COL4A6: variants seen among roughly 807,000 people sequenced by gnomAD.
COL4A6 encodes collagen type IV alpha 6 chain.
COL4A6 carries 59 observed loss-of-function variants against 126.7 expected under a neutral mutation model. The observed-to-expected ratio is 0.47, with a 90% CI of 0.38 to 0.58. The LOEUF (loss-of-function observed/expected upper bound fraction) is 0.58, where lower values mean the gene tolerates loss of function less well. COL4A6 is among the 20% of genes least tolerant of loss of function. The pLI is 0.00. For synonymous variants in COL4A6, 547 were observed against 496.6 expected (o/e 1.10, Z -1.35); for missense variants, 1,285 against 1,337.3 (o/e 0.96, Z 0.61).
At chrX:108,335,392 T>C (rs2039406327) in intron 2 of COL4A6, among the ~76,000 whole-genome samples, 1 of 112,171 alleles carries the variant, frequency 8.9e-6, no homozygotes, top group African/African-American at 3.2e-5. Context: ...TTCCCAATAT[T>C]ACACAGCTAA....
At chrX:108,229,986 C>G in intron 3 of COL4A6, among the ~76,000 whole-genome samples, 1 of 112,316 alleles carries the variant, frequency 8.9e-6, no homozygotes, top group Non-Finnish European at 1.9e-5. Context: ...ATGAGCAAAA[C>G]AGAGGAAAGT....
intron 3 of COL4A6, among the ~76,000 whole-genome samples, chrX:108,278,219 A>C (rs1203811208): frequency 1.8e-5 from 2 of 111,832 alleles, no homozygotes; most frequent in Non-Finnish European, 3.8e-5. Flanking sequence ...ATTCAAACCA[A>C]AGGCAAAGAA....
intron 3 of COL4A6, among the ~76,000 whole-genome samples, chrX:108,227,728 G>A (rs973360931): frequency 1.8e-5 from 2 of 111,721 alleles, no homozygotes; most frequent in Non-Finnish European, 3.8e-5. Context: ...AGAATAGATG[G>A]TAAATGTTTC....
chrX:108,272,690 C>CT (rs1245112332), intron 3 of COL4A6, among the ~76,000 whole-genome samples: 38 of 104,092 alleles, frequency 3.7e-4, no homozygotes, highest in East Asian at 1.8e-3. Context: ...TCCAGAAATG[C>CT]TTTTTTTTTT....
intron 3 of COL4A6, chrX:108,267,565 GAGTA>G (rs2147748093): frequency 8.9e-6 from 1 of 112,559 alleles, no homozygotes; most frequent in South Asian, 3.7e-4. Flanking sequence ...ATAGCCCTTA[GAGTA>G]AGTGATAATT....
At chrX:108,193,811 C>A in intron 16 of COL4A6, 114 bp from the exon 17 acceptor site, 1 of 569,097 alleles carries the variant, frequency 1.8e-6, no homozygotes, top group East Asian at 3.5e-5. Flanking sequence ...TCTATAACCC[C>A]AGATTTTCAA....
At chrX:108,247,864 C>T (rs1039690321) in intron 3 of COL4A6, among the ~76,000 whole-genome samples, 1 of 111,823 alleles carries the variant, frequency 8.9e-6, no homozygotes, top group Non-Finnish European at 1.9e-5. Context: ...CTGTGCCTTT[C>T]TCCACCCAGA....
At chrX:108,276,115 A>G (rs2037594628) in intron 3 of COL4A6, among the ~76,000 whole-genome samples, 1 of 113,078 alleles carries the variant, frequency 8.8e-6, no homozygotes, top group African/African-American at 3.2e-5. Context: ...AAAAACAACC[A>G]TCCCTTATGA....
chrX:108,293,314 T>C (rs919311250), intron 3 of COL4A6, among the ~76,000 whole-genome samples: 1 of 111,680 alleles, frequency 9.0e-6, no homozygotes, highest in East Asian at 2.8e-4. Context: ...AATAAAGAGA[T>C]AATTAATACA....
At chrX:108,189,873 T>G (rs1173704208) in intron 20 of COL4A6, among the ~76,000 whole-genome samples, 2 of 112,292 alleles carry the variant, frequency 1.8e-5, no homozygotes, top group Non-Finnish European at 3.8e-5. Flanking sequence ...TTCCTTCCCC[T>G]GGCCTAAGCC....
chrX:108,229,948 A>G (rs927136068), intron 3 of COL4A6, among the ~76,000 whole-genome samples: 2 of 112,439 alleles, frequency 1.8e-5, no homozygotes, highest in Non-Finnish European at 3.8e-5. Context: ...GCTAAAAACT[A>G]TAAGGATTTA....
At chrX:108,265,406 A>G (rs1245904206) in intron 3 of COL4A6, among the ~76,000 whole-genome samples, 2 of 110,097 alleles carry the variant, frequency 1.8e-5, no homozygotes, top group African/African-American at 6.6e-5. Flanking sequence ...TTTTTTGACA[A>G]ACATGGAACT....
chrX:108,224,221 G>A (rs1025317124), intron 3 of COL4A6, among the ~76,000 whole-genome samples: 2 of 112,156 alleles, frequency 1.8e-5, no homozygotes, highest in African/African-American at 6.5e-5. Context: ...AAAAGACAGG[G>A]TCCCACAGCC....
chrX:108,195,761 T>C (rs1162007083), intron 14 of COL4A6, among the ~76,000 whole-genome samples: 3 of 111,857 alleles, frequency 2.7e-5, no homozygotes, highest in Non-Finnish European at 5.6e-5. Context: ...GGCCTCGTCT[T>C]CCACCTCAAA....
chrX:108,403,381 C>G (rs1020149680), intron 2 of COL4A6, among the ~76,000 whole-genome samples: 2 of 108,997 alleles, frequency 1.8e-5, no homozygotes, highest in African/African-American at 6.7e-5. Context: ...AATAATACCT[C>G]TCCTCAATTC....
At chrX:108,410,763 T>A (rs1478552149) in intron 2 of COL4A6, among the ~76,000 whole-genome samples, 2 of 111,841 alleles carry the variant, frequency 1.8e-5, no homozygotes, top group Non-Finnish European at 3.8e-5. Context: ...GCTTTATCCC[T>A]TCCCCAGCAA....
In COL4A6 at chrX:108,171,375, T is replaced by C. The variant is rs1337709585; in HGVS notation, c.3277+12A>G. 1 of 1,203,269 alleles carries C rather than the reference T, an allele frequency of 8.3e-7. No homozygotes were observed. Among genetic ancestry groups the C allele is most frequent in the Admixed American group, 2.2e-5 (1 of 45,166 alleles). ...CTGTGAGGCAAACAAGACAAAAATA[T>C]AGCAACCTTACCTTTAAAACCAGAT... On this transcript the variant is annotated intron_variant, in intron 33 of 44. Transcript: ENST00000334504.
rs1254560779 is a variant in COL4A6 at position 108,425,198 on chromosome X, TGTGTGA to T, written c.63+12738_63+12743del. 2.3e-3 allele frequency among the ~76,000 whole-genome samples: 176 copies of T among 75,107 alleles called. 1 individual carries two copies. Among genetic ancestry groups the T allele is most frequent in the African/African-American group, 7.8e-3 (164 of 20,915 alleles). The allele number at this position is 75,107 out of a possible 115,157, so 65.2% of individuals were successfully genotyped here. A position where few individuals can be genotyped will look rare whatever the true frequency, so the allele number is the denominator to read the frequency against. On this transcript the variant is annotated intron_variant, in intron 2 of 44. Transcript: ENST00000334504. ...GTGTGTGTGTGTGTGTGTGTGTGTG[TGTGTGA>T]GAGAGAGAGAGACAGAGAGACAGAG...
intron 3 of COL4A6, among the ~76,000 whole-genome samples, chrX:108,246,286 T>C (rs1203167637): frequency 8.9e-6 from 1 of 112,130 alleles, no homozygotes; most frequent in Non-Finnish European, 1.9e-5. Flanking sequence ...AGATAATCCA[T>C]TTATATCAGT....
Sources: gnomAD v4.1 joint callset for allele counts (sites outside exome capture counted in the v4.1 genomes callset) on GRCh38, gnomAD v4.1.1 for gene constraint, MANE v1.5 for transcripts, NCBI Gene and HGNC (gene_info 2026-07-23, HGNC 2026-07-21) for gene names.